The following MTUS2 variants were observed in gnomAD, a reference collection of about 807,000 sequenced individuals.
The protein encoded by MTUS2 is microtubule associated scaffold protein 2, also known as microtubule-associated tumor suppressor candidate 2.
In MTUS2, 40 loss-of-function variants were observed where a neutral mutation model predicts 114.1. The ratio of observed to expected loss-of-function variants is 0.35; its 90% CI spans 0.27 to 0.46. The LOEUF is 0.46. Among genes scored for constraint, MTUS2 ranks in the 20% least tolerant of loss-of-function variants. The pLI, the probability that MTUS2 is intolerant of heterozygous loss-of-function variation, is 1.00. For synonymous variants in MTUS2, 688 were observed against 672.0 expected, an observed-to-expected ratio of 1.02 and a Z score of -0.37; for missense variants, 1,679 against 1,705.4, an observed-to-expected ratio of 0.98 and a Z score of 0.27.
At chr13:29,420,283 C>CTT (rs34081195) in intron 8 of MTUS2, among the ~76,000 whole-genome samples, 32,973 of 137,326 alleles carry the variant, frequency 0.24, 4,203 homozygotes, top group African/African-American at 0.33. Flanking sequence ...TCTTTCTTTC[C>CTT]TTTTTTTTTT....
Position 29,062,638 on chromosome 13 carries a change from A to G in MTUS2, c.2446+28513A>G, listed in dbSNP as rs540406550. 2.8e-4 allele frequency among the ~76,000 whole-genome samples: 42 copies of G among 152,252 alleles called. No homozygotes were observed. In the South Asian group the frequency reaches 8.7e-3, roughly 32 times the overall value. On this transcript the variant is annotated intron_variant, in intron 4 of 15. Transcript: ENST00000612955. ...AGTTCTCAGATAGGAAACCTCTTAG[A>G]TTAATAACAGGCCAGTATGCTGTGA...
At chr13:29,266,464 A>G (rs1387406595) in intron 5 of MTUS2, among the ~76,000 whole-genome samples, 2 of 152,210 alleles carry the variant, frequency 1.3e-5, no homozygotes, top group Admixed American at 6.5e-5. Flanking sequence ...ATTATTAGGT[A>G]AATGGCACCC....
chr13:29,375,516 TA>T lies in MTUS2; in HGVS notation c.3117+16044del, dbSNP rs1243931805. On this transcript the variant is annotated intron_variant, in intron 8 of 15. Transcript: ENST00000612955. The stretch of plus-strand genomic sequence containing the variant: ...CGCAATCACCTTTGCACCAGCCTAC[TA>T]TATATATATATATATATATACGTGT... Among the ~76,000 whole-genome samples, 23 of 3,504 alleles carry T rather than the reference TA, an allele frequency of 6.6e-3. 9 individuals are homozygous for T. Among genetic ancestry groups the T allele is most frequent in the Non-Finnish European group, 7.5e-3 (5 of 670 alleles). 2.3% of individuals were successfully genotyped at this position (3,504 alleles called of 152,430 possible).
At chr13:29,007,701 A>G (rs546782418) in intron 2 of MTUS2, among the ~76,000 whole-genome samples, 1 of 152,342 alleles carries the variant, frequency 6.6e-6, no homozygotes, top group African/African-American at 2.4e-5. Context: ...CATTTAATGA[A>G]TAGTAAACAT....
rs535523238 is a variant in MTUS2 at position 28,959,425 on chromosome 13, A to G, written c.-242-65032A>G. On this transcript the variant is annotated intron_variant, in intron 2 of 15. Coordinates refer to ENST00000612955, the MANE Select transcript of MTUS2 (RefSeq NM_001033602.4). ...CCCCTTCCATGGTTCAGTGGAAGCC[A>G]TATGGGGAGCCTGGACTTCTAGCCC... Among the ~76,000 whole-genome samples the G allele has an allele frequency of 1.1e-4, 16 of 152,286 alleles. No individual in the cohort carries two copies. In the South Asian group the frequency reaches 3.1e-3, roughly 30 times the overall value.
chr13:29,013,306 T>C (rs756179579), intron 2 of MTUS2, among the ~76,000 whole-genome samples: 9 of 152,072 alleles, frequency 5.9e-5, no homozygotes, highest in Non-Finnish European at 1.0e-4. Context: ...ACCTGTCTCA[T>C]GAAGCAATGG....
chr13:29,043,556 C>T (rs1031532426), intron 4 of MTUS2, among the ~76,000 whole-genome samples: 1 of 150,326 alleles, frequency 6.7e-6, no homozygotes, highest in Non-Finnish European at 1.5e-5. Flanking sequence ...TATTTTATTG[C>T]AGTCTATGTC....
intron 6 of MTUS2, among the ~76,000 whole-genome samples, chr13:29,295,875 C>T (rs1379241478): frequency 6.6e-6 from 1 of 152,140 alleles, no homozygotes; most frequent in Non-Finnish European, 1.5e-5. Context: ...ATGAGACTTA[C>T]TATCATGAGA....
At chr13:29,432,138 C>T (rs1877046783) in intron 8 of MTUS2, among the ~76,000 whole-genome samples, 1 of 151,536 alleles carries the variant, frequency 6.6e-6, no homozygotes, top group African/African-American at 2.4e-5. Flanking sequence ...TAGGTGTGAG[C>T]CACCATGCCT....
chr13:28,994,747 T>G (rs1297296820), intron 2 of MTUS2, among the ~76,000 whole-genome samples: 3 of 152,138 alleles, frequency 2.0e-5, no homozygotes, highest in Non-Finnish European at 2.9e-5. Context: ...TTGATGGGGT[T>G]GTTTGTTTTT....
chr13:29,345,619 G>A (rs544805874), intron 7 of MTUS2, among the ~76,000 whole-genome samples: 2 of 151,890 alleles, frequency 1.3e-5, no homozygotes, highest in African/African-American at 4.8e-5. Context: ...TCCATGTGTG[G>A]CTTCATACTC....
At chr13:29,214,310 C>G (rs556988639) in intron 5 of MTUS2, among the ~76,000 whole-genome samples, 4 of 152,156 alleles carry the variant, frequency 2.6e-5, no homozygotes, top group African/African-American at 9.6e-5. Context: ...ACTCTTTTTC[C>G]AATTTGCCCC....
chr13:28,861,666 A>G (rs1876993179), intron 2 of MTUS2, among the ~76,000 whole-genome samples: 1 of 152,100 alleles, frequency 6.6e-6, no homozygotes, highest in South Asian at 2.1e-4. Context: ...GTTTTTACCG[A>G]GCCTACAACA....
Position 29,001,658 on chromosome 13 carries a change from C to T in MTUS2, c.-242-22799C>T, listed in dbSNP as rs927651491. On this transcript the variant is annotated intron_variant, in intron 2 of 15. Transcript: ENST00000612955. ...GATGTGGCAGGCAGAACAGTGGCCC[C>T]CCCAAAATGTCCATATCCCAGTCCC... 1.1e-4 allele frequency among the ~76,000 whole-genome samples: 17 copies of T among 152,124 alleles called. 1 individual carries two copies. Among genetic ancestry groups the T allele is most frequent in the Admixed American group, 6.5e-5 (1 of 15,272 alleles).
At chr13:29,030,190 C>G (rs1288522388) in intron 3 of MTUS2, among the ~76,000 whole-genome samples, 2 of 152,104 alleles carry the variant, frequency 1.3e-5, no homozygotes, top group African/African-American at 2.4e-5. Context: ...ATTTTCTCTA[C>G]TTCATTATCT....
chr13:29,277,091 A>G (rs1190014770), intron 5 of MTUS2, among the ~76,000 whole-genome samples: 1 of 152,152 alleles, frequency 6.6e-6, no homozygotes, highest in African/African-American at 2.4e-5. Context: ...AAACAGAGGT[A>G]TTGACAGTGC....
intron 5 of MTUS2, among the ~76,000 whole-genome samples, chr13:29,145,952 A>G (rs933094706): frequency 6.6e-6 from 1 of 152,228 alleles, no homozygotes; most frequent in Non-Finnish European, 1.5e-5. Context: ...TTTAAGGGAC[A>G]ACATGGGTGC....
chr13:29,337,997 T>C (rs539396316), intron 7 of MTUS2, among the ~76,000 whole-genome samples: 23 of 150,948 alleles, frequency 1.5e-4, no homozygotes, highest in African/African-American at 3.9e-4. Context: ...ACCATGTTGG[T>C]TGGCCAGGAT....
chr13:28,894,534 C>G (rs80257804), intron 2 of MTUS2, among the ~76,000 whole-genome samples: 1 of 152,168 alleles, frequency 6.6e-6, no homozygotes, highest in African/African-American at 2.4e-5. Flanking sequence ...TTTGAGCCAG[C>G]CAGTCTGTCC....
Sources: allele counts gnomAD v4.1 joint callset (sites outside exome capture counted in the v4.1 genomes callset), GRCh38; gene constraint gnomAD v4.1.1; transcripts MANE v1.5; gene names NCBI Gene and HGNC (gene_info 2026-07-23, HGNC 2026-07-21).